The following PRR5L variants were observed in gnomAD, a reference collection of about 807,000 sequenced individuals.
The protein encoded by PRR5L is proline-rich protein 5-like.
A neutral mutation model predicts 36.4 loss-of-function variants in PRR5L; 21 were observed. That is an observed-to-expected ratio of 0.58 (90% CI 0.41 to 0.83). The LOEUF (loss-of-function observed/expected upper bound fraction) is 0.83, where lower values mean the gene tolerates loss of function less well. Among genes scored for constraint, PRR5L ranks in the 40% least tolerant of loss-of-function variants. The probability of loss-of-function intolerance (pLI) is 0.00; values close to 1 mark genes in which losing one functional copy is unlikely to be tolerated. For missense variants in PRR5L, 381 were observed against 473.3 expected, an observed-to-expected ratio of 0.80 and a Z score of 1.81; for synonymous variants, 188 against 197.0, an observed-to-expected ratio of 0.95 and a Z score of 0.38.
In PRR5L at chr11:36,414,007, C is replaced by T. The variant is rs575226453; in HGVS notation, c.246-5248C>T. ...GATAGTTTACTGAGAATGATGATTTCCACTTTTATCCATGTCCCTACAAAG... is the reference window on the plus strand; with the variant it reads ...GATAGTTTACTGAGAATGATGATTTTCACTTTTATCCATGTCCCTACAAAG... On this transcript the variant is annotated intron_variant, in intron 3 of 8. Transcript: ENST00000530639. Among the ~76,000 whole-genome samples the T allele has an allele frequency of 1.5e-3, 230 of 150,120 alleles. 1 individual carries two copies. The highest frequency in any genetic ancestry group is 5.3e-3 in the African/African-American group (213 of 40,324).
At chr11:36,376,548 C>T in intron 1 of PRR5L, 2 of 1,005,274 alleles carry the variant, frequency 2.0e-6, no homozygotes, top group South Asian at 8.0e-5. Context: ...CTGGGCAGAG[C>T]GCGACGGGGA....
At chr11:36,445,162 T>G (rs1462297224) in intron 6 of PRR5L, among the ~76,000 whole-genome samples, 1 of 152,198 alleles carries the variant, frequency 6.6e-6, no homozygotes, top group Non-Finnish European at 1.5e-5. Flanking sequence ...ACCATGTTTC[T>G]ATAAAACTCT....
intron 1 of PRR5L, among the ~76,000 whole-genome samples, chr11:36,364,249 T>C (rs1261363704): frequency 6.6e-6 from 1 of 152,242 alleles, no homozygotes; most frequent in African/African-American, 2.4e-5. Context: ...GAGCTATGCA[T>C]AGTAAACATT....
chr11:36,378,277 C>T (rs1218077897), intron 1 of PRR5L, among the ~76,000 whole-genome samples: 3 of 152,168 alleles, frequency 2.0e-5, no homozygotes, highest in Non-Finnish European at 1.5e-5. Context: ...GTATGACTGA[C>T]GAAGGTGCAG....
At chr11:36,346,659 T>C (rs920391683) in intron 1 of PRR5L, among the ~76,000 whole-genome samples, 3 of 152,100 alleles carry the variant, frequency 2.0e-5, no homozygotes, top group Non-Finnish European at 4.4e-5. Flanking sequence ...AATTTCAGTG[T>C]CTAGCAATAG....
chr11:36,456,898 G>A (rs1206329865), intron 8 of PRR5L, among the ~76,000 whole-genome samples: 1 of 152,250 alleles, frequency 6.6e-6, no homozygotes, highest in Admixed American at 6.5e-5. Flanking sequence ...TGCAGCTAGT[G>A]CAGCATTTTG....
chr11:36,462,873 T>A lies in PRR5L; in HGVS notation c.*137T>A. The A allele has an allele frequency of 1.2e-6, 1 of 813,492 alleles. No homozygotes were observed. The highest frequency in any genetic ancestry group is 2.4e-5 in the South Asian group (1 of 41,792). 50.4% of individuals were successfully genotyped at this position (813,492 alleles called of 1,614,324 possible). On this transcript the variant is annotated 3_prime_UTR_variant, in exon 9 of 9. Coordinates refer to ENST00000530639, the MANE Select transcript of PRR5L (RefSeq NM_001160167.2). Reference sequence around the variant, plus strand: ...CTTTAGGGTACTGTCCTGGTCAAAATGACCTAAGGGGAAACCGTTGTTGTA... The same window carrying A: ...CTTTAGGGTACTGTCCTGGTCAAAAAGACCTAAGGGGAAACCGTTGTTGTA...
intron 1 of PRR5L, among the ~76,000 whole-genome samples, chr11:36,312,875 T>A (rs1856518457): frequency 6.6e-6 from 1 of 152,256 alleles, no homozygotes; most frequent in African/African-American, 2.4e-5. Flanking sequence ...AAGTCTATGG[T>A]TTCTCAGCCT....
At chr11:36,372,994 G>GTA (rs1157938856) in intron 1 of PRR5L, among the ~76,000 whole-genome samples, 4 of 151,854 alleles carry the variant, frequency 2.6e-5, no homozygotes, top group Non-Finnish European at 5.9e-5. Context: ...GTGTGTGTGT[G>GTA]TGTGTGTGTG....
At chr11:36,411,393 G>A (rs901479458) in intron 3 of PRR5L, among the ~76,000 whole-genome samples, 2 of 152,160 alleles carry the variant, frequency 1.3e-5, no homozygotes, top group African/African-American at 4.8e-5. Context: ...CAACTGGGGT[G>A]GTGTCTCAGC....
intron 1 of PRR5L, among the ~76,000 whole-genome samples, chr11:36,350,917 T>A (rs1856924907): frequency 1.7e-5 from 1 of 58,478 alleles, no homozygotes; most frequent in African/African-American, 8.0e-5. Context: ...TATATATATA[T>A]ATTTATATAT....
chr11:36,315,262 C>T lies in PRR5L; in HGVS notation c.-126+18824C>T, dbSNP rs967678308. ...ACTGCATGCAAAAACAGAGTCTAGT[C>T]CAATGTAAGAATTTAGAAAAGCATA... On this transcript the variant is annotated intron_variant, in intron 1 of 8. Transcript: ENST00000530639. Among the ~76,000 whole-genome samples the T allele has an allele frequency of 8.5e-5, 13 of 152,056 alleles. No individual in the cohort carries two copies. In the South Asian group the frequency reaches 1.0e-3, roughly 12 times the overall value.
intron 6 of PRR5L, among the ~76,000 whole-genome samples, chr11:36,444,532 A>G (rs1858788075): frequency 6.6e-6 from 1 of 152,220 alleles, no homozygotes; most frequent in South Asian, 2.1e-4. Flanking sequence ...ATAATCGTCT[A>G]TTTGGAGTGC....
chr11:36,410,551 G>A (rs1361616975), intron 3 of PRR5L, among the ~76,000 whole-genome samples: 1 of 152,216 alleles, frequency 6.6e-6, no homozygotes, highest in African/African-American at 2.4e-5. Context: ...CTGTGAGGCT[G>A]TTGGAGAATT....
chr11:36,400,366 A>G (rs1449532330), intron 1 of PRR5L, among the ~76,000 whole-genome samples: 1 of 152,162 alleles, frequency 6.6e-6, no homozygotes. Flanking sequence ...TATCTTCTCC[A>G]TAGGCTGAGT....
intron 1 of PRR5L, among the ~76,000 whole-genome samples, chr11:36,317,270 G>T (rs1856566973): frequency 4.6e-5 from 7 of 152,190 alleles, no homozygotes; most frequent in Admixed American, 4.6e-4. Flanking sequence ...ACTGACTGGG[G>T]TCAGGCTTAA....
intron 3 of PRR5L, among the ~76,000 whole-genome samples, chr11:36,417,046 A>C (rs957579551): frequency 1.3e-5 from 2 of 152,172 alleles, no homozygotes; most frequent in Non-Finnish European, 2.9e-5. Flanking sequence ...TTTCTTTTTC[A>C]ATCTTACCCA....
At chr11:36,430,564 C>T (rs1858472816) in intron 4 of PRR5L, among the ~76,000 whole-genome samples, 2 of 152,082 alleles carry the variant, frequency 1.3e-5, no homozygotes, top group South Asian at 4.1e-4. Context: ...TTTATAAAGG[C>T]CCATTCACTA....
Position 36,462,444 on chromosome 11 carries a change from T to A in PRR5L, c.815T>A (p.Leu272Gln), listed in dbSNP as rs754225814. 2 of 1,605,338 alleles carry A rather than the reference T, an allele frequency of 1.2e-6. No homozygotes were observed. The highest frequency in any genetic ancestry group is 2.2e-5 in the East Asian group (1 of 44,790). ...CTGAATGAGATGGTCTTGACCCCAC[T>A]GACAGAGCAGGAGGGGGAAGCCTAC... ...RPLNEMVLTP[L>Q]TEQEGEAYLE... The change falls in exon 9 of 9, where the codon CTG becomes CAG. Residue 272 changes from leucine (L) to glutamine (Q), a missense_variant. Coordinates refer to ENST00000530639, the MANE Select transcript of PRR5L (RefSeq NM_001160167.2).
Sources: allele counts gnomAD v4.1 joint callset (sites outside exome capture counted in the v4.1 genomes callset), GRCh38; gene constraint gnomAD v4.1.1; transcripts MANE v1.5; gene names NCBI Gene and HGNC (gene_info 2026-07-23, HGNC 2026-07-21).